The following DCP1A variants were observed in gnomAD, a reference collection of about 807,000 sequenced individuals.
DCP1A encodes the protein decapping mRNA 1A, also known as mRNA-decapping enzyme 1A.
Under a neutral mutation model 58.0 loss-of-function variants are expected in DCP1A, and 20 were observed. That is an observed-to-expected ratio of 0.34 (90% CI 0.24 to 0.50). DCP1A has a LOEUF of 0.50. DCP1A is among the 20% of genes least tolerant of loss of function. DCP1A has a pLI of 0.98. For synonymous variants in DCP1A, 285 were observed against 275.1 expected (o/e 1.04, Z -0.36); for missense variants, 613 against 712.2 (o/e 0.86, Z 1.59).
chr3:53,321,905 G>C (rs1707979456), intron 3 of DCP1A, among the ~76,000 whole-genome samples: 2 of 152,064 alleles, frequency 1.3e-5, no homozygotes, highest in Non-Finnish European at 2.9e-5. Context: ...AAAGAAGAAA[G>C]CCTATACATA....
Position 53,304,307 on chromosome 3 carries a change from G to GA in DCP1A, c.511-18dup. Reference sequence around the variant, plus strand: ...CATCTGATTCTTTAAAAAGTTAAAAGAAAAAAATATATCTTGTGAAAAAAA... The same window carrying GA: ...CATCTGATTCTTTAAAAAGTTAAAAGAAAAAAAATATATCTTGTGAAAAAAA... On this transcript the variant is annotated splice_polypyrimidine_tract_variant and intron_variant, in intron 5 of 9. Transcript: ENST00000610213. The GA allele has an allele frequency of 1.9e-6, 3 of 1,573,474 alleles. No homozygotes were observed. Among genetic ancestry groups the GA allele is most frequent in the South Asian group, 1.1e-5 (1 of 88,756 alleles).
At chr3:53,329,739 C>T (rs1553691095) in intron 3 of DCP1A, among the ~76,000 whole-genome samples, 2 of 152,048 alleles carry the variant, frequency 1.3e-5, no homozygotes, top group African/African-American at 4.8e-5. Flanking sequence ...TCCATTTTCC[C>T]AAAACTGCTT....
At chr3:53,327,004 C>T (rs567118762) in intron 3 of DCP1A, among the ~76,000 whole-genome samples, 10 of 145,796 alleles carry the variant, frequency 6.9e-5, no homozygotes, top group African/African-American at 1.8e-4. Context: ...GTATTCTAGT[C>T]GCTCTAGTAT....
At chr3:53,313,946 C>T (rs1396256212) in intron 4 of DCP1A, among the ~76,000 whole-genome samples, 2 of 152,008 alleles carry the variant, frequency 1.3e-5, no homozygotes, top group African/African-American at 4.8e-5. Context: ...GTTGCCCTGG[C>T]TGGTCCCAAA....
intron 3 of DCP1A, among the ~76,000 whole-genome samples, chr3:53,335,949 C>G (rs2089107218): frequency 6.6e-6 from 1 of 151,786 alleles, no homozygotes; most frequent in Admixed American, 6.6e-5. Context: ...CTCAGCCTCC[C>G]AGGTCCACCC....
At chr3:53,307,729 T>A (rs1707518301) in intron 5 of DCP1A, among the ~76,000 whole-genome samples, 2 of 152,156 alleles carry the variant, frequency 1.3e-5, no homozygotes, top group Non-Finnish European at 2.9e-5. Context: ...TTGGTAAAAA[T>A]CTTAAAAACA....
chr3:53,324,381 C>T (rs1469914508), intron 3 of DCP1A, among the ~76,000 whole-genome samples: 1 of 152,242 alleles, frequency 6.6e-6, no homozygotes, highest in Admixed American at 6.5e-5. Flanking sequence ...CTGTCACTGT[C>T]ACTCATGAGG....
At chr3:53,313,452 A>C (rs910971696) in intron 4 of DCP1A, among the ~76,000 whole-genome samples, 4 of 151,660 alleles carry the variant, frequency 2.6e-5, no homozygotes, top group Non-Finnish European at 5.9e-5. Flanking sequence ...GTGGGCTTTC[A>C]GTTTTTAAGA....
chr3:53,317,015 G>A (rs1224548865), intron 4 of DCP1A, among the ~76,000 whole-genome samples: 1 of 152,094 alleles, frequency 6.6e-6, no homozygotes, highest in Non-Finnish European at 1.5e-5. Flanking sequence ...AGTTGTTAGA[G>A]CTAAAAGAGC....
At chr3:53,289,351 C>T (rs1706767356) in intron 8 of DCP1A, among the ~76,000 whole-genome samples, 2 of 151,498 alleles carry the variant, frequency 1.3e-5, no homozygotes, top group Admixed American at 1.3e-4. Flanking sequence ...TGGCTCATGC[C>T]TGTAATCCTA....
intron 3 of DCP1A, among the ~76,000 whole-genome samples, chr3:53,330,874 T>G: frequency 6.7e-6 from 1 of 148,622 alleles, no homozygotes; most frequent in Non-Finnish European, 1.5e-5. Context: ...TTTTTTTTTT[T>G]TTGAGATGGA....
At chr3:53,342,836 G>A (rs2089231685) in intron 2 of DCP1A, among the ~76,000 whole-genome samples, 1 of 152,110 alleles carries the variant, frequency 6.6e-6, no homozygotes, top group Admixed American at 6.6e-5. Flanking sequence ...CCATGCAAAT[G>A]GAGCTTTTGT....
intron 2 of DCP1A, among the ~76,000 whole-genome samples, chr3:53,342,668 C>T (rs545544650): frequency 8.5e-4 from 129 of 152,340 alleles, no homozygotes; most frequent in African/African-American, 3.1e-3. Flanking sequence ...ACAGCTATCT[C>T]ATCTCCTCCA....
chr3:53,343,597 A>T (rs913089950), intron 2 of DCP1A, among the ~76,000 whole-genome samples: 1 of 152,094 alleles, frequency 6.6e-6, no homozygotes, highest in Non-Finnish European at 1.5e-5. Flanking sequence ...GTGAGGGTAA[A>T]GATCCTTTCC....
chr3:53,290,579 C>A, intron 8 of DCP1A: 1 of 649,522 alleles, frequency 1.5e-6, no homozygotes, highest in South Asian at 1.8e-5. Flanking sequence ...AAGCTGACAA[C>A]CTTTTACTTC....
In DCP1A at chr3:53,342,288, G is replaced by T; in HGVS notation, c.177-17C>A. On this transcript the variant is annotated splice_polypyrimidine_tract_variant and intron_variant, in intron 2 of 9. Coordinates refer to ENST00000610213, the MANE Select transcript of DCP1A (RefSeq NM_018403.7). ...GAAGCTGACCTTAGATTTAATAGAA[G>T]AAAAAAAAATATGTAGTTACCATTT... 1 of 1,520,944 alleles carries T rather than the reference G, an allele frequency of 6.6e-7. No homozygotes were observed. Among genetic ancestry groups the T allele is most frequent in the South Asian group, 1.2e-5 (1 of 81,714 alleles). The allele number at this position is 1,520,944 out of a possible 1,614,324, so 94.2% of individuals were successfully genotyped here.
At chr3:53,313,533 T>C (rs1202789546) in intron 4 of DCP1A, among the ~76,000 whole-genome samples, 9 of 151,720 alleles carry the variant, frequency 5.9e-5, no homozygotes, top group Admixed American at 5.9e-4. Flanking sequence ...GAAAGCTGGG[T>C]GGTAAGCACA....
At position 53,331,508 on chromosome 3, in the gene DCP1A, C is replaced by G. The variant is rs1037459906; in HGVS notation, c.304+10636G>C. Among the ~76,000 whole-genome samples the G allele has an allele frequency of 2.6e-5, 4 of 152,204 alleles. No individual in the cohort carries two copies. The East Asian group carries it at 7.7e-4, about 29-fold the overall frequency. On this transcript the variant is annotated intron_variant, in intron 3 of 9. Transcript: ENST00000610213. The stretch of plus-strand genomic sequence containing the variant: ...ACATTCAGTACAGTAACATGCTGTA[C>G]AGGTTTGTAGCCTCAAAGCAATACC...
chr3:53,330,803 C>T (rs1026027922), intron 3 of DCP1A, among the ~76,000 whole-genome samples: 7 of 145,044 alleles, frequency 4.8e-5, no homozygotes, highest in Admixed American at 4.2e-4. Context: ...AGGTAAAACA[C>T]AATATATACA....
Sources: allele counts gnomAD v4.1 joint callset (sites outside exome capture counted in the v4.1 genomes callset), GRCh38; gene constraint gnomAD v4.1.1; transcripts MANE v1.5; gene names NCBI Gene and HGNC (gene_info 2026-07-23, HGNC 2026-07-21).